KRABD3: variants seen among roughly 807,000 people sequenced by gnomAD.
KRABD3 encodes KRAB domain-containing protein 3.
the KRABD3 span, chr7:149,719,587 G>A: frequency 6.2e-7 from 1 of 1,608,502 alleles, no homozygotes; most frequent in Non-Finnish European, 8.5e-7. The surrounding 1 kb of genome is among the most constrained non-coding windows in gnomAD (Gnocchi z 5.6). Flanking sequence ...GGTTCTCGGA[G>A]GAGGAGTGGC....
At chr7:149,730,412 T>A in the KRABD3 span, 1 of 1,577,542 alleles carries the variant, frequency 6.3e-7, no homozygotes, top group Non-Finnish European at 8.6e-7. Flanking sequence ...GATGCCAGCT[T>A]TGTTTGTGAC....
the KRABD3 span, among the ~76,000 whole-genome samples, chr7:149,720,500 TA>T: frequency 6.6e-6 from 1 of 152,372 alleles, no homozygotes; most frequent in Admixed American, 6.5e-5. Flanking sequence ...GCCAGGCATT[TA>T]GGGGGTGCCA....
chr7:149,720,142 A>G, the KRABD3 span: 5,766 of 1,550,974 alleles, frequency 3.7e-3, 201 homozygotes, highest in African/African-American at 0.069. Flanking sequence ...GTTATCTGTC[A>G]GACTTTGGGT....
At chr7:149,733,807 C>T in the KRABD3 span, 54 of 1,604,470 alleles carry the variant, frequency 3.4e-5, no homozygotes, top group African/African-American at 5.2e-4. Flanking sequence ...ACCCCCTCCT[C>T]GCACATACCG....
At chr7:149,727,132 G>A in the KRABD3 span, among the ~76,000 whole-genome samples, 9 of 152,134 alleles carry the variant, frequency 5.9e-5, no homozygotes, top group African/African-American at 1.4e-4. Flanking sequence ...ATCCCCTCTT[G>A]GCCTTTTTAT....
the KRABD3 span, among the ~76,000 whole-genome samples, chr7:149,717,172 C>T: frequency 7.4e-6 from 1 of 135,526 alleles, no homozygotes; most frequent in Non-Finnish European, 1.7e-5. Flanking sequence ...CTTGCCAGCT[C>T]TGTGTTGAGC....
At chr7:149,716,478 G>A in the KRABD3 span, among the ~76,000 whole-genome samples, 1 of 152,222 alleles carries the variant, frequency 6.6e-6, no homozygotes, top group African/African-American at 2.4e-5. Flanking sequence ...TTGTAGCCCA[G>A]GTGTTTGCAC....
the KRABD3 span, chr7:149,726,007 G>C: frequency 6.2e-7 from 1 of 1,612,940 alleles, no homozygotes; most frequent in East Asian, 2.2e-5. Flanking sequence ...AGCACCGACT[G>C]GGACCTGGAT....
the KRABD3 span, chr7:149,731,825 G>GC: frequency 6.9e-7 from 1 of 1,441,836 alleles, no homozygotes; most frequent in Non-Finnish European, 9.6e-7. Context: ...AGGACCCAGA[G>GC]CCCCAGCTTG....
At chr7:149,734,464 C>T in the KRABD3 span, 2 of 178,548 alleles carry the variant, frequency 1.1e-5, no homozygotes, top group South Asian at 1.7e-4. Flanking sequence ...TGGGCTCTTG[C>T]CTTCCTGGAG....
chr7:149,733,588 G>A, the KRABD3 span: 4 of 1,598,468 alleles, frequency 2.5e-6, no homozygotes, highest in East Asian at 9.1e-5. Flanking sequence ...GGAGGCAGAA[G>A]GGACCCACGA....
At chr7:149,723,241 T>C in the KRABD3 span, among the ~76,000 whole-genome samples, 1 of 152,326 alleles carries the variant, frequency 6.6e-6, no homozygotes, top group South Asian at 2.1e-4. Context: ...TTGCTTTGCA[T>C]TGACGCCAGG....
chr7:149,722,490 C>CAA, the KRABD3 span: 1 of 1,578,882 alleles, frequency 6.3e-7, no homozygotes, highest in Non-Finnish European at 8.7e-7. Context: ...GCCCAGCCCT[C>CAA]CCACCCATAG....
chr7:149,722,845 C>T, the KRABD3 span: 1 of 1,613,410 alleles, frequency 6.2e-7, no homozygotes, highest in Non-Finnish European at 8.5e-7. Context: ...AATCCTTGTG[C>T]CTGGGCCCCG....
At chr7:149,724,132 A>C in the KRABD3 span, among the ~76,000 whole-genome samples, 1 of 152,176 alleles carries the variant, frequency 6.6e-6, no homozygotes, top group Non-Finnish European at 1.5e-5. Flanking sequence ...CTGAAAGGAA[A>C]GTGGGGAGGG....
the KRABD3 span, chr7:149,728,792 C>G: frequency 8.6e-7 from 1 of 1,166,130 alleles, no homozygotes; most frequent in South Asian, 1.6e-5. Context: ...GGAAACAGAC[C>G]TGGGCAGAGC....
chr7:149,722,496 C>CCCCAAA, the KRABD3 span: 1 of 1,603,368 alleles, frequency 6.2e-7, no homozygotes. Context: ...CCCTCCCACC[C>CCCCAAA]ATAGCCCCAG....
chr7:149,721,085 G>A, the KRABD3 span: 2 of 1,467,598 alleles, frequency 1.4e-6, no homozygotes, highest in Non-Finnish European at 1.8e-6. Context: ...GGGCTTGCAG[G>A]CACAGGCCGG....
the KRABD3 span, among the ~76,000 whole-genome samples, chr7:149,717,537 G>A: frequency 1.3e-5 from 2 of 152,252 alleles, no homozygotes; most frequent in African/African-American, 2.4e-5. Flanking sequence ...TCCTGAGAGG[G>A]AGTGACCATA....
Sources: gnomAD v4.1 joint callset for allele counts (sites outside exome capture counted in the v4.1 genomes callset) on GRCh38, gnomAD v4.1.1 for gene constraint, Gnocchi (gnomAD v3.1) non-coding constraint, MANE v1.5 for transcripts, NCBI Gene and HGNC (gene_info 2026-07-23, HGNC 2026-07-21) for gene names.